ARHGAP22: variants seen among roughly 807,000 people sequenced by gnomAD.
The protein encoded by ARHGAP22 is rho GTPase-activating protein 22.
ARHGAP22 carries 48 observed loss-of-function variants against 59.1 expected under a neutral mutation model. The ratio of observed to expected loss-of-function variants is 0.81; its 90% CI spans 0.64 to 1.03. The LOEUF is 1.03. Among genes scored for constraint, ARHGAP22 ranks in the 50% least tolerant of loss-of-function variants. ARHGAP22 has a pLI of 0.00. For missense variants in ARHGAP22, 1,015 were observed against 958.7 expected (o/e 1.06, Z -0.78); for synonymous variants, 445 against 416.4 (o/e 1.07, Z -0.84).
chr10:48,448,986 A>G (rs1156591663), intron 9 of ARHGAP22, among the ~76,000 whole-genome samples: 1 of 152,240 alleles, frequency 6.6e-6, no homozygotes, highest in Non-Finnish European at 1.5e-5. Flanking sequence ...AGCTGGGACT[A>G]GAATCCAAGT....
intron 4 of ARHGAP22, among the ~76,000 whole-genome samples, chr10:48,463,315 TC>T (rs1564699112): frequency 6.6e-6 from 1 of 152,104 alleles, no homozygotes; most frequent in South Asian, 2.1e-4. Flanking sequence ...GGCACAGACT[TC>T]CCCCAAGGAC....
chr10:48,458,270 G>A (rs2046769259), intron 5 of ARHGAP22, among the ~76,000 whole-genome samples: 1 of 152,110 alleles, frequency 6.6e-6, no homozygotes, highest in Non-Finnish European at 1.5e-5. Context: ...GGGCCTCCAA[G>A]ACATAGGGAA....
chr10:48,596,085 C>A (rs1435973787), intron 1 of ARHGAP22, among the ~76,000 whole-genome samples: 1 of 152,176 alleles, frequency 6.6e-6, no homozygotes, highest in Non-Finnish European at 1.5e-5. Context: ...AGATTGCATT[C>A]TTGAAAGTTA....
chr10:48,648,768 G>A (rs946591824), intron 1 of ARHGAP22, among the ~76,000 whole-genome samples: 2 of 152,234 alleles, frequency 1.3e-5, no homozygotes, highest in African/African-American at 2.4e-5. Flanking sequence ...CAGAGCAGGC[G>A]CAGCGGGGTG....
At chr10:48,558,331 C>A (rs1029173345) in intron 2 of ARHGAP22, among the ~76,000 whole-genome samples, 2 of 118,226 alleles carry the variant, frequency 1.7e-5, no homozygotes, top group Non-Finnish European at 3.8e-5. Context: ...TAGATTTTTG[C>A]GATTTAATGT....
At chr10:48,448,212 C>T (rs1484882733) in intron 9 of ARHGAP22, among the ~76,000 whole-genome samples, 1 of 152,206 alleles carries the variant, frequency 6.6e-6, no homozygotes, top group Non-Finnish European at 1.5e-5. Flanking sequence ...CCCTGACTCT[C>T]CCCCACTACA....
Position 48,640,129 on chromosome 10 carries a change from C to T in ARHGAP22, c.52+12105G>A, listed in dbSNP as rs548147805. 6.6e-5 allele frequency among the ~76,000 whole-genome samples: 10 copies of T among 152,194 alleles called. No individual in the cohort carries two copies. The South Asian group carries it at 1.9e-3, about 28-fold the overall frequency. On this transcript the variant is annotated intron_variant, in intron 1 of 9. Coordinates refer to the ARHGAP22 transcript ENST00000435790. ...AGATTTGAGGAAGGAGAATAAAGAA[C>T]AGGTGAATGTAAAGACAGAGTTATC...
At chr10:48,479,320 C>G in intron 4 of ARHGAP22, 1 of 468,596 alleles carries the variant, frequency 2.1e-6, no homozygotes, top group South Asian at 3.2e-5. Context: ...CCTTGTCTAC[C>G]ATCCCTCCCA....
chr10:48,460,794 G>A (rs1015796658), intron 4 of ARHGAP22, among the ~76,000 whole-genome samples: 19 of 152,212 alleles, frequency 1.2e-4, no homozygotes, highest in Non-Finnish European at 1.6e-4. Flanking sequence ...TCAGCCTTAA[G>A]CCTGAATTCC....
chr10:48,555,332 T>A, intron 3 of ARHGAP22, 131 bp downstream of exon 3: 2 of 828,262 alleles, frequency 2.4e-6, no homozygotes, highest in Non-Finnish European at 3.9e-6. Context: ...TTGGCCCACA[T>A]TTCCGAGTCA....
intron 1 of ARHGAP22, among the ~76,000 whole-genome samples, chr10:48,642,646 C>A (rs1442121521): frequency 6.6e-6 from 1 of 152,142 alleles, no homozygotes; most frequent in South Asian, 2.1e-4. Context: ...TAGAAGAAAA[C>A]CTAGGCAATA....
At chr10:48,517,306 G>C (rs2053382017) in intron 3 of ARHGAP22, among the ~76,000 whole-genome samples, 1 of 152,178 alleles carries the variant, frequency 6.6e-6, no homozygotes, top group Admixed American at 6.5e-5. Flanking sequence ...AGGATGTTTA[G>C]AAGAGCCGGC....
intron 3 of ARHGAP22, among the ~76,000 whole-genome samples, chr10:48,530,172 G>A (rs534330294): frequency 7.0e-6 from 1 of 143,432 alleles, no homozygotes; most frequent in African/African-American, 2.6e-5. Flanking sequence ...AGGAGGCGGA[G>A]GTTTCAGTGA....
chr10:48,531,578 A>G lies in ARHGAP22; in HGVS notation c.322+23885T>C, dbSNP rs536581581. Among the ~76,000 whole-genome samples, 25 of 152,326 alleles carry G rather than the reference A, an allele frequency of 1.6e-4. No individual in the cohort carries two copies. The South Asian group carries it at 3.7e-3, about 23-fold the overall frequency. Reference sequence around the variant, plus strand: ...GACAATGTGCCAGGCTAAGAGCTTGACATGTGCACGTTCACTTAGAATTCA... The same window carrying G: ...GACAATGTGCCAGGCTAAGAGCTTGGCATGTGCACGTTCACTTAGAATTCA... On this transcript the variant is annotated intron_variant, in intron 3 of 9. Coordinates refer to ENST00000249601, the MANE Select transcript of ARHGAP22 (RefSeq NM_021226.4).
At chr10:48,505,153 A>C (rs574055758) in intron 3 of ARHGAP22, among the ~76,000 whole-genome samples, 2 of 152,240 alleles carry the variant, frequency 1.3e-5, no homozygotes, top group South Asian at 2.1e-4. Flanking sequence ...TTCTGGATTC[A>C]AGCGATTCTC....
At chr10:48,482,551 TC>T (rs2049430033) in intron 3 of ARHGAP22, among the ~76,000 whole-genome samples, 1 of 152,250 alleles carries the variant, frequency 6.6e-6, no homozygotes, top group African/African-American at 2.4e-5. Context: ...ACAAAAGCAT[TC>T]GGCTTTTCAC....
intron 3 of ARHGAP22, among the ~76,000 whole-genome samples, chr10:48,520,484 CAG>C (rs1426276932): frequency 6.6e-6 from 1 of 152,114 alleles, no homozygotes; most frequent in Non-Finnish European, 1.5e-5. Context: ...CAGAGCCTGA[CAG>C]GGGGGCCAGG....
chr10:48,618,633 T>C (rs2061173334), intron 1 of ARHGAP22, among the ~76,000 whole-genome samples: 1 of 151,996 alleles, frequency 6.6e-6, no homozygotes, highest in Non-Finnish European at 1.5e-5. Context: ...AAACATTAGA[T>C]AAAATTCAAC....
intron 3 of ARHGAP22, chr10:48,511,487 C>T (rs1342028481): frequency 2.0e-5 from 3 of 152,334 alleles, no homozygotes; most frequent in Admixed American, 6.5e-5. Context: ...CCATCCGACT[C>T]TCCCTATTGG....
Sources: allele counts gnomAD v4.1 joint callset (sites outside exome capture counted in the v4.1 genomes callset), GRCh38; gene constraint gnomAD v4.1.1; transcripts MANE v1.5; gene names NCBI Gene and HGNC (gene_info 2026-07-23, HGNC 2026-07-21).